Variants in TRAF3IP1 observed in about 807,000 individuals in gnomAD.
The protein encoded by TRAF3IP1 is TRAF3-interacting protein 1.
Under a neutral mutation model 89.9 loss-of-function variants are expected in TRAF3IP1, and 53 were observed. The ratio of observed to expected loss-of-function variants is 0.59; its 90% CI spans 0.47 to 0.74. The LOEUF (loss-of-function observed/expected upper bound fraction) is 0.74, where lower values mean the gene tolerates loss of function less well. Ranked by LOEUF, TRAF3IP1 falls within the 30% of genes least tolerant of loss-of-function variation. TRAF3IP1 has a pLI of 0.00. For missense variants in TRAF3IP1, 806 were observed against 866.1 expected (o/e 0.93, Z 0.87); for synonymous variants, 311 against 322.1 (o/e 0.97, Z 0.37).
chr2:238,321,838 G>T (rs1277151925), intron 1 of TRAF3IP1, among the ~76,000 whole-genome samples: 6 of 152,208 alleles, frequency 3.9e-5, no homozygotes, highest in Non-Finnish European at 8.8e-5. Flanking sequence ...ACCTGGTGAT[G>T]GTCCTCAAGC....
At chr2:238,363,947 G>A (rs925035206) in intron 15 of TRAF3IP1, among the ~76,000 whole-genome samples, 5 of 152,064 alleles carry the variant, frequency 3.3e-5, no homozygotes, top group African/African-American at 4.8e-5. Flanking sequence ...GCAACAGAGC[G>A]AGACTCTGTC....
chr2:238,334,077 A>AT (rs1553610955), intron 7 of TRAF3IP1, 42 bp downstream of exon 7: 78 of 1,030,752 alleles, frequency 7.6e-5, no homozygotes, highest in South Asian at 5.6e-4. Context: ...TATGGATATT[A>AT]GTTTTTTTTT....
At position 238,399,109 on chromosome 2, in the gene TRAF3IP1, C is replaced by G; in HGVS notation, c.*190C>G. ...TATTAAAAAAACCATGTTTTCTTACCTCCTTCCAGATGGAATACTGGCTAG... is the reference window on the plus strand; with the variant it reads ...TATTAAAAAAACCATGTTTTCTTACGTCCTTCCAGATGGAATACTGGCTAG... On this transcript the variant is annotated 3_prime_UTR_variant, in exon 17 of 17. Coordinates refer to ENST00000373327, the MANE Select transcript of TRAF3IP1 (RefSeq NM_015650.4). The G allele has an allele frequency of 3.7e-6, 2 of 545,512 alleles. No individual in the cohort carries two copies. Among genetic ancestry groups the G allele is most frequent in the Non-Finnish European group, 6.2e-6 (2 of 324,936 alleles). The allele number at this position is 545,512 out of a possible 1,614,324, so 33.8% of individuals were successfully genotyped here.
Position 238,329,030 on chromosome 2 carries a change from G to A in TRAF3IP1, c.603G>A (p.Lys201=). Residue 201 remains lysine (K), a synonymous_variant, in exon 5 of 17, where the codon AAG becomes AAA. Coordinates refer to ENST00000373327, the MANE Select transcript of TRAF3IP1 (RefSeq NM_015650.4). ...AGCCAAGAGAAAAGGACAAGGACAA[G>A]GAGAAGGCCAAGGAGAATGGCGGAA... ...DRKPREKDKD[K]EKAKENGGNR... is the part of the protein sequence containing the mutation. The A allele has an allele frequency of 6.4e-7, 1 of 1,551,788 alleles. No individual in the cohort carries two copies. The highest frequency in any genetic ancestry group is 8.7e-7 in the Non-Finnish European group (1 of 1,147,072).
chr2:238,370,155 T>C (rs2106349638), intron 15 of TRAF3IP1, among the ~76,000 whole-genome samples: 1 of 152,228 alleles, frequency 6.6e-6, no homozygotes, highest in African/African-American at 2.4e-5. Flanking sequence ...AAAATGTATG[T>C]GTCTGTGTTT....
intron 15 of TRAF3IP1, among the ~76,000 whole-genome samples, chr2:238,364,610 T>G (rs537882835): frequency 6.6e-6 from 1 of 152,248 alleles, no homozygotes; most frequent in Admixed American, 6.5e-5. Context: ...TTTTACATGA[T>G]CTTCCCTTTG....
chr2:238,388,592 AC>A (rs1700871540), intron 15 of TRAF3IP1, among the ~76,000 whole-genome samples: 1 of 132,838 alleles, frequency 7.5e-6, no homozygotes, highest in East Asian at 2.2e-4. Flanking sequence ...GAAGAACACA[AC>A]TTTTTTTTTT....
chr2:238,338,505 G>T, intron 8 of TRAF3IP1, 48 bp downstream of exon 8: 1 of 1,020,676 alleles, frequency 9.8e-7, no homozygotes, highest in South Asian at 1.5e-5. Context: ...ACTTTAATGT[G>T]AATGGTTATA....
chr2:238,349,725 AAAAAATTAGGGGCTTAATTGCAG>A (rs1408257778), intron 12 of TRAF3IP1, among the ~76,000 whole-genome samples: 1 of 152,222 alleles, frequency 6.6e-6, no homozygotes, highest in Admixed American at 6.5e-5. Context: ...AAATAGGGGA[AAAAAATTAGGGGCTTAATTGCAG>A]AAAAATTAAA....
In TRAF3IP1 at chr2:238,329,190, G is replaced by A. The variant is rs995140471; in HGVS notation, c.763G>A (p.Gly255Arg). ...GAAGGAGACAGAGAGAAAGAGTGAG[G>A]GGGGGAAAGAGAAGGAGAGACTGAG... ...RKKETERKSE[G>R]GKEKERLRDR... The change falls in exon 5 of 17, where the codon GGG becomes AGG. Residue 255 changes from glycine to arginine, a missense_variant. Gly to Arg is a moderately radical substitution (Grantham distance 125). Transcript: ENST00000373327. 1.3e-6 allele frequency: 2 copies of A among 1,567,926 alleles called. No homozygotes were observed. The highest frequency in any genetic ancestry group is 1.2e-5 in the South Asian group (1 of 84,166).
At chr2:238,366,350 A>G (rs1257737557) in intron 15 of TRAF3IP1, among the ~76,000 whole-genome samples, 1 of 152,226 alleles carries the variant, frequency 6.6e-6, no homozygotes, top group Non-Finnish European at 1.5e-5. Context: ...TTACATGTAT[A>G]TGAACTTTAT....
chr2:238,327,393 G>A (rs1310145881), intron 3 of TRAF3IP1, among the ~76,000 whole-genome samples: 2 of 152,148 alleles, frequency 1.3e-5, no homozygotes, highest in African/African-American at 4.8e-5. Flanking sequence ...TGTGTCTTTG[G>A]CCTAAATGGA....
At position 238,399,010 on chromosome 2, in the gene TRAF3IP1, T is replaced by C. The variant is rs1701365074; in HGVS notation, c.*91T>C. 3.3e-6 allele frequency: 4 copies of C among 1,198,630 alleles called. No homozygotes were observed. The highest frequency in any genetic ancestry group is 3.5e-6 in the Non-Finnish European group (3 of 858,780). 74.2% of individuals were successfully genotyped at this position (1,198,630 alleles called of 1,614,324 possible). ...ATTACTCTTTTAAGTTCCAGTTTGC[T>C]AAGAAAATGAACAGTTTACAATGTT... On this transcript the variant is annotated 3_prime_UTR_variant, in exon 17 of 17. Coordinates refer to ENST00000373327, the MANE Select transcript of TRAF3IP1 (RefSeq NM_015650.4).
intron 15 of TRAF3IP1, among the ~76,000 whole-genome samples, chr2:238,372,156 G>T (rs1175003302): frequency 2.6e-5 from 4 of 152,088 alleles, no homozygotes; most frequent in Non-Finnish European, 4.4e-5. Context: ...TATACTTTAA[G>T]TTCTAGGGTA....
intron 15 of TRAF3IP1, among the ~76,000 whole-genome samples, chr2:238,389,188 C>T (rs1364311569): frequency 6.6e-6 from 1 of 152,096 alleles, no homozygotes. Flanking sequence ...GATCCTGCTT[C>T]CGAGAGGGAC....
chr2:238,334,062 G>T, intron 7 of TRAF3IP1, 27 bp downstream of exon 7: 1 of 1,458,604 alleles, frequency 6.9e-7, no homozygotes, highest in Non-Finnish European at 9.4e-7. Flanking sequence ...ATATGTAGCT[G>T]AAAATATGGA....
intron 8 of TRAF3IP1, among the ~76,000 whole-genome samples, chr2:238,342,346 T>C (rs757942793): frequency 6.6e-5 from 10 of 152,194 alleles, no homozygotes; most frequent in Non-Finnish European, 1.2e-4. Context: ...TTTGACAAAT[T>C]GGTTAGTCCC....
intron 8 of TRAF3IP1, among the ~76,000 whole-genome samples, chr2:238,339,083 C>G (rs1698513863): frequency 6.6e-6 from 1 of 152,168 alleles, no homozygotes; most frequent in Non-Finnish European, 1.5e-5. Context: ...GAAATTTTTG[C>G]TGGGCCCAAC....
intron 6 of TRAF3IP1, 106 bp from the exon 7 acceptor site, chr2:238,333,854 G>A (rs190015778): frequency 5.3e-6 from 5 of 940,168 alleles, no homozygotes; most frequent in South Asian, 1.6e-5. Context: ...CACTATTGCT[G>A]GATTTCATAC....
Sources: allele counts gnomAD v4.1 joint callset (sites outside exome capture counted in the v4.1 genomes callset), GRCh38; gene constraint gnomAD v4.1.1; transcripts MANE v1.5; gene names NCBI Gene and HGNC (gene_info 2026-07-23, HGNC 2026-07-21).